RALYL: variants seen among roughly 807,000 people sequenced by gnomAD.
RALYL encodes the protein RNA-binding Raly-like protein.
RALYL carries 29 observed loss-of-function variants against 35.1 expected under a neutral mutation model. The ratio of observed to expected loss-of-function variants is 0.83; its 90% CI spans 0.61 to 1.13. The LOEUF (loss-of-function observed/expected upper bound fraction) is 1.13, where lower values mean the gene tolerates loss of function less well. Among genes scored for constraint, RALYL ranks in the 50% most tolerant of loss-of-function variants. The pLI is 0.00. For synonymous variants in RALYL, 120 were observed against 127.6 expected, an observed-to-expected ratio of 0.94 and a Z score of 0.40; for missense variants, 359 against 360.4, an observed-to-expected ratio of 1.00 and a Z score of 0.03.
At chr8:84,691,508 T>C (rs1287217513) in intron 2 of RALYL, among the ~76,000 whole-genome samples, 7 of 151,940 alleles carry the variant, frequency 4.6e-5, no homozygotes, top group African/African-American at 9.7e-5. Flanking sequence ...AAACAAAGAG[T>C]AAGACTTCCA....
At chr8:84,333,959 T>G (rs867361753) in intron 1 of RALYL, among the ~76,000 whole-genome samples, 1 of 152,146 alleles carries the variant, frequency 6.6e-6, no homozygotes, top group African/African-American at 2.4e-5. Context: ...GATCTCTGTT[T>G]CACTGCAACC....
intron 5 of RALYL, among the ~76,000 whole-genome samples, chr8:84,854,050 C>G (rs775129559): frequency 6.6e-6 from 1 of 152,200 alleles, no homozygotes; most frequent in Middle Eastern, 3.4e-3. Context: ...TTAACAGTAA[C>G]CATTAACAAT....
Position 84,715,954 on chromosome 8 carries a change from C to A in RALYL, c.257-58625C>A, listed in dbSNP as rs563542039. ...TTGTATTTAAAATAAAAATTATGTC[C>A]ACATTTATTTCCTTAGACTCCGTAT... On this transcript the variant is annotated intron_variant, in intron 2 of 8. Transcript: ENST00000521268. Among the ~76,000 whole-genome samples, 13 of 152,016 alleles carry A rather than the reference C, an allele frequency of 8.6e-5. No individual in the cohort carries two copies. In the South Asian group the frequency reaches 2.7e-3, roughly 32 times the overall value.
chr8:84,644,093 TGA>T (rs1826965983), intron 2 of RALYL, among the ~76,000 whole-genome samples: 1 of 151,944 alleles, frequency 6.6e-6, no homozygotes, highest in South Asian at 2.1e-4. Context: ...GAGTGTATGG[TGA>T]GAGAGGCATG....
intron 5 of RALYL, among the ~76,000 whole-genome samples, chr8:84,856,313 G>T (rs566194558): frequency 2.6e-5 from 4 of 152,178 alleles, no homozygotes; most frequent in African/African-American, 4.8e-5. Flanking sequence ...TGAGAAAATC[G>T]TTTTAGTGGC....
rs536106269 is a variant in RALYL at position 84,419,650 on chromosome 8, C to T, written c.-23-109649C>T. Among the ~76,000 whole-genome samples, 455 of 149,534 alleles carry T rather than the reference C, an allele frequency of 3.0e-3. 6 individuals are homozygous for T. The highest frequency in any genetic ancestry group is 0.011 in the African/African-American group (440 of 40,490). ...CATGCTGGTGCACTACACCCACTAA[C>T]TCGTCATCTAGCATTAGGTATATCT... On this transcript the variant is annotated intron_variant, in intron 1 of 8. Transcript: ENST00000521268.
At chr8:84,315,061 A>C (rs1234633699) in intron 1 of RALYL, among the ~76,000 whole-genome samples, 1 of 152,200 alleles carries the variant, frequency 6.6e-6, no homozygotes, top group South Asian at 2.1e-4. Flanking sequence ...CTGTGGGTAC[A>C]TTCCTATATG....
At chr8:84,206,761 C>G (rs766561) in intron 1 of RALYL, among the ~76,000 whole-genome samples, 34,981 of 152,052 alleles carry the variant, frequency 0.23, 4,128 homozygotes, top group Non-Finnish European at 0.27. Context: ...ATGAGGCATG[C>G]TGAACATGAG....
intron 1 of RALYL, among the ~76,000 whole-genome samples, chr8:84,342,619 C>T (rs1438997879): frequency 4.6e-5 from 7 of 151,794 alleles, no homozygotes; most frequent in African/African-American, 1.7e-4. Context: ...TTGACCTAGG[C>T]TTCATATGCC....
chr8:84,560,282 C>T (rs970439858), intron 2 of RALYL, among the ~76,000 whole-genome samples: 15 of 151,268 alleles, frequency 9.9e-5, no homozygotes, highest in African/African-American at 3.4e-4. Context: ...AGGCTATAAA[C>T]AATAGGAAAA....
At chr8:84,638,791 GA>G (rs1156244755) in intron 2 of RALYL, among the ~76,000 whole-genome samples, 1 of 147,142 alleles carries the variant, frequency 6.8e-6, no homozygotes, top group Non-Finnish European at 1.5e-5. Context: ...TCTGTATTAA[GA>G]AGTTAACTAA....
At chr8:84,367,337 T>A (rs1262539537) in intron 1 of RALYL, among the ~76,000 whole-genome samples, 56 of 64,808 alleles carry the variant, frequency 8.6e-4, no homozygotes, top group African/African-American at 5.2e-3. Context: ...TTTTTTTTTT[T>A]TTTTTTTTTT....
chr8:84,651,342 A>G (rs1043134474), intron 2 of RALYL, among the ~76,000 whole-genome samples: 1 of 151,926 alleles, frequency 6.6e-6, no homozygotes, highest in Non-Finnish European at 1.5e-5. Flanking sequence ...GTTAATAATT[A>G]TACTATAATT....
chr8:84,284,104 TA>T (rs754205817), intron 1 of RALYL, among the ~76,000 whole-genome samples: 4 of 152,114 alleles, frequency 2.6e-5, no homozygotes, highest in Non-Finnish European at 4.4e-5. Context: ...ATAGTTGAAA[TA>T]GTTGACAAAG....
intron 2 of RALYL, among the ~76,000 whole-genome samples, chr8:84,715,257 T>C (rs1437097727): frequency 6.6e-6 from 1 of 151,838 alleles, no homozygotes; most frequent in African/African-American, 2.4e-5. Context: ...TTGTTATAGA[T>C]GACTAATGTA....
intron 4 of RALYL, among the ~76,000 whole-genome samples, chr8:84,848,631 G>A (rs1261852313): frequency 3.3e-5 from 5 of 152,094 alleles, no homozygotes; most frequent in Non-Finnish European, 5.9e-5. Flanking sequence ...GACAGAGGCT[G>A]GAGAGGCAGG....
In RALYL at chr8:84,640,733, A is replaced by G. The variant is rs1290924883; in HGVS notation, c.256+111156A>G. Reference sequence around the variant, plus strand: ...CTCAAGCTTTCTCAAGGAGAGAAAAAGCTAAAAACAGTGTGACACCACAGA... The same window carrying G: ...CTCAAGCTTTCTCAAGGAGAGAAAAGGCTAAAAACAGTGTGACACCACAGA... On this transcript the variant is annotated intron_variant, in intron 2 of 8. Coordinates refer to ENST00000521268, the MANE Select transcript of RALYL (RefSeq NM_173848.7). Among the ~76,000 whole-genome samples the G allele has an allele frequency of 2.6e-5, 4 of 151,998 alleles. No individual in the cohort carries two copies. In the East Asian group the frequency reaches 7.7e-4, roughly 29 times the overall value.
At chr8:84,612,236 A>G (rs1418678469) in intron 2 of RALYL, among the ~76,000 whole-genome samples, 1 of 151,990 alleles carries the variant, frequency 6.6e-6, no homozygotes, top group African/African-American at 2.4e-5. Context: ...AAACTTAAAA[A>G]ATGCTATTTG....
intron 2 of RALYL, among the ~76,000 whole-genome samples, chr8:84,543,513 AC>A (rs1018972846): frequency 8.0e-5 from 12 of 149,772 alleles, no homozygotes; most frequent in Admixed American, 5.3e-4. Flanking sequence ...ATAAAAAAAA[AC>A]AACTTAGTAA....
Sources: allele counts gnomAD v4.1 joint callset (sites outside exome capture counted in the v4.1 genomes callset), GRCh38; gene constraint gnomAD v4.1.1; transcripts MANE v1.5; gene names NCBI Gene and HGNC (gene_info 2026-07-23, HGNC 2026-07-21).